Variants in POLR1E observed in about 807,000 individuals in gnomAD.
POLR1E encodes the protein DNA-directed RNA polymerase I subunit RPA49.
POLR1E carries 37 observed loss-of-function variants against 50.9 expected under a neutral mutation model. The ratio of observed to expected loss-of-function variants is 0.73; its 90% CI spans 0.56 to 0.96. The LOEUF (loss-of-function observed/expected upper bound fraction) is 0.96, where lower values mean the gene tolerates loss of function less well. Ranked by LOEUF, POLR1E falls within the 40% of genes least tolerant of loss-of-function variation. The pLI is 0.00. For missense variants in POLR1E, 426 were observed against 518.1 expected, an observed-to-expected ratio of 0.82 and a Z score of 1.73; for synonymous variants, 166 against 191.6, an observed-to-expected ratio of 0.87 and a Z score of 1.10.
At chr9:37,498,298 G>A (rs10973374) in intron 9 of POLR1E, 74 bp downstream of exon 9, 323,861 of 1,458,976 alleles carry the variant, frequency 0.22, 36,917 homozygotes, top group Admixed American at 0.33. Flanking sequence ...GATGAGTTCT[G>A]ATGAGAGAAG....
At chr9:37,491,542 A>G (rs1053546987) in intron 4 of POLR1E, among the ~76,000 whole-genome samples, 5 of 151,578 alleles carry the variant, frequency 3.3e-5, no homozygotes, top group Admixed American at 1.3e-4. Context: ...GGGCTCACAG[A>G]AGACTCTGCC....
Position 37,486,293 on chromosome 9 carries a change from C to G in POLR1E, c.76+170C>G, listed in dbSNP as rs1352309159. 2.3e-6 allele frequency: 3 copies of G among 1,278,264 alleles called. No individual in the cohort carries two copies. In the African/African-American group the frequency reaches 4.5e-5, roughly 19 times the overall value. 79.2% of individuals were successfully genotyped at this position (1,278,264 alleles called of 1,614,324 possible). ...AGGGCTCCCCTGTCCGTCTTTCTGT[C>G]ACTACCTCCCAGCCAGATTGGGACA... On this transcript the variant is annotated intron_variant, in intron 1 of 11. Coordinates refer to ENST00000377798, the MANE Select transcript of POLR1E (RefSeq NM_022490.4).
intron 6 of POLR1E, 46 bp downstream of exon 6, chr9:37,493,749 T>C: frequency 7.1e-7 from 1 of 1,418,330 alleles, no homozygotes; most frequent in Non-Finnish European, 9.3e-7. Context: ...TAATGACAGC[T>C]TTCTCTTCTC....
chr9:37,503,072 T>C lies in POLR1E; in HGVS notation c.1130T>C (p.Leu377Pro). 1 of 1,613,852 alleles carries C rather than the reference T, an allele frequency of 6.2e-7. No individual in the cohort carries two copies. Residue 377 changes from leucine to proline, a missense_variant, in exon 12 of 12, where the codon CTG becomes CCG. Physicochemically the swap from Leu to Pro is moderately conservative, Grantham distance 98. Coordinates refer to ENST00000377798, the MANE Select transcript of POLR1E (RefSeq NM_022490.4). ...ATGGAGATAGCCAAAGCCATGAGGC[T>C]GAAGATCTCCAAAAGAAGGGTGTCT... ...RMMEIAKAMR[L>P]KISKRRVSVA...
chr9:37,486,415 C>T, intron 1 of POLR1E: 2 of 1,527,970 alleles, frequency 1.3e-6, no homozygotes, highest in Non-Finnish European at 1.8e-6. Context: ...CTTCACTGGG[C>T]AGGGGTTCCT....
In POLR1E at chr9:37,498,225, G is replaced by C; in HGVS notation, c.886+1G>C. On this transcript the variant is annotated splice_donor_variant, in intron 9 of 11. Coordinates refer to ENST00000377798, the MANE Select transcript of POLR1E (RefSeq NM_022490.4). LOFTEE classifies it high-confidence loss of function. ...GCTCATAGGGTAGTTAAGCGGAAAA[G>C]TAAGTCTATGATAAACATTTTATTC... The C allele has an allele frequency of 6.2e-7, 1 of 1,610,868 alleles. No homozygotes were observed. Among genetic ancestry groups the C allele is most frequent in the Non-Finnish European group, 8.5e-7 (1 of 1,178,264 alleles).
intron 5 of POLR1E, among the ~76,000 whole-genome samples, chr9:37,493,226 T>A (rs1820716231): frequency 6.6e-6 from 1 of 152,172 alleles, no homozygotes; most frequent in Admixed American, 6.5e-5. Flanking sequence ...CCCTGTCTGT[T>A]ACGGGTGTAA....
chr9:37,500,077 C>G (rs371720661), intron 9 of POLR1E, among the ~76,000 whole-genome samples: 23 of 152,112 alleles, frequency 1.5e-4, no homozygotes, highest in African/African-American at 4.1e-4. Flanking sequence ...TCTCGAACTC[C>G]TCACCTCATG....
chr9:37,492,696 C>T lies in POLR1E; in HGVS notation c.383C>T (p.Thr128Ile). ...VESELALESQTKTYREKMDSC... is the reference protein window; with the variant it reads ...VESELALESQIKTYREKMDSC... ...AGTGAACTGGCGCTAGAGAGTCAGA[C>T]CAAAACTTACAGAGAAAAGGTGAGT... The change falls in exon 5 of 12, where the codon ACC becomes ATC. Residue 128 changes from threonine (T) to isoleucine (I), a missense_variant. Physicochemically the swap from Thr to Ile is moderately conservative, Grantham distance 89. Transcript: ENST00000377798. 5 of 1,613,944 alleles carry T rather than the reference C, an allele frequency of 3.1e-6. No individual in the cohort carries two copies. The highest frequency in any genetic ancestry group is 4.2e-6 in the Non-Finnish European group (5 of 1,179,896).
At chr9:37,492,140 G>C (rs925782235) in intron 4 of POLR1E, 5 of 551,368 alleles carry the variant, frequency 9.1e-6, no homozygotes, top group Non-Finnish European at 1.4e-5. Context: ...CTTATCAGGG[G>C]TGATGGCTGA....
rs372209104 is a variant in POLR1E at position 37,501,662 on chromosome 9, A to G, written c.969-51A>G. ...ATGTTCTTATTTTGCTTTTGGAGAA[A>G]TTGTCTGAGAGTTTAATTTTGTTTC... On this transcript the variant is annotated intron_variant, in intron 10 of 11. Transcript: ENST00000377798. 3 of 1,584,980 alleles carry G rather than the reference A, an allele frequency of 1.9e-6. No individual in the cohort carries two copies. The African/African-American group carries it at 4.1e-5, about 22-fold the overall frequency.
chr9:37,502,735 C>T (rs1820911887), intron 11 of POLR1E, among the ~76,000 whole-genome samples: 1 of 152,182 alleles, frequency 6.6e-6, no homozygotes, highest in Non-Finnish European at 1.5e-5. Flanking sequence ...AGCAAGTGCT[C>T]AATCCTGGTT....
intron 8 of POLR1E, among the ~76,000 whole-genome samples, chr9:37,496,273 A>G (rs986732444): frequency 6.6e-6 from 1 of 152,144 alleles, no homozygotes; most frequent in African/African-American, 2.4e-5. Flanking sequence ...ACCCAGTGTC[A>G]TGCTGGTGCT....
chr9:37,492,073 G>C (rs992521700), intron 4 of POLR1E, among the ~76,000 whole-genome samples: 1 of 148,922 alleles, frequency 6.7e-6, no homozygotes, highest in Non-Finnish European at 1.5e-5. Flanking sequence ...ACCTTCTGGA[G>C]TAAGTACTGT....
chr9:37,501,501 C>A (rs1364973729), intron 10 of POLR1E, among the ~76,000 whole-genome samples: 1 of 152,218 alleles, frequency 6.6e-6, no homozygotes, highest in East Asian at 1.9e-4. Flanking sequence ...CTCTATCTGC[C>A]TCAGAGGGAA....
intron 1 of POLR1E, 49 bp downstream of exon 1, chr9:37,486,172 C>A: frequency 6.6e-7 from 1 of 1,525,562 alleles, no homozygotes; most frequent in South Asian, 1.2e-5. Flanking sequence ...TCTCCCCTTC[C>A]GTCTCGGTAC....
chr9:37,494,773 T>C (rs1177259640), intron 6 of POLR1E, among the ~76,000 whole-genome samples: 1 of 152,254 alleles, frequency 6.6e-6, no homozygotes, highest in African/African-American at 2.4e-5. Flanking sequence ...TACAGTGTTA[T>C]ATTCTGAAAG....
At chr9:37,490,667 T>A in intron 4 of POLR1E, 2 of 709,074 alleles carry the variant, frequency 2.8e-6, no homozygotes, top group South Asian at 2.8e-5. Flanking sequence ...TGCCCTTGTT[T>A]GTTTACAACA....
rs763142273 is a variant in POLR1E, at chr9:37,500,873, A to G, written c.920A>G (p.Asn307Ser). Reference protein sequence around the residue: ...ALGPGVPHIINTKLLKHFTCL... With the variant: ...ALGPGVPHIISTKLLKHFTCL... ...GGACCTGGAGTTCCCCACATCATCA[A>G]CACCAAACTGCTGAAGCACTTTACT... The change falls in exon 10 of 12, where the codon AAC becomes AGC. Residue 307 changes from asparagine to serine, a missense_variant. Transcript: ENST00000377798. 1 of 1,614,032 alleles carries G rather than the reference A, an allele frequency of 6.2e-7. No homozygotes were observed. Among genetic ancestry groups the G allele is most frequent in the South Asian group, 1.1e-5 (1 of 91,070 alleles).
Sources: gnomAD v4.1 joint callset for allele counts (sites outside exome capture counted in the v4.1 genomes callset) on GRCh38, gnomAD v4.1.1 for gene constraint, MANE v1.5 for transcripts, NCBI Gene and HGNC (gene_info 2026-07-23, HGNC 2026-07-21) for gene names.